The following DPP6 variants were observed in gnomAD, a reference collection of about 807,000 sequenced individuals.
DPP6 encodes dipeptidyl peptidase like 6.
In DPP6, 69 loss-of-function variants were observed where a neutral mutation model predicts 122.6. The ratio of observed to expected loss-of-function variants is 0.56; its 90% CI spans 0.46 to 0.69. The LOEUF (loss-of-function observed/expected upper bound fraction) is 0.69, where lower values mean the gene tolerates loss of function less well. Ranked by LOEUF, DPP6 falls within the 30% of genes least tolerant of loss-of-function variation. DPP6 has a pLI of 0.00. For missense variants in DPP6, 928 were observed against 1,116.9 expected (o/e 0.83, Z 2.41); for synonymous variants, 418 against 433.1 (o/e 0.97, Z 0.43).
intron 1 of DPP6, among the ~76,000 whole-genome samples, chr7:153,923,873 G>A (rs1289626279): frequency 6.6e-6 from 1 of 151,748 alleles, no homozygotes; most frequent in Non-Finnish European, 1.5e-5. Flanking sequence ...TTTAGTCATC[G>A]GTGGATCCCT....
chr7:154,085,007 A>AAAC (rs774198362), intron 1 of DPP6, among the ~76,000 whole-genome samples: 6,032 of 148,922 alleles, frequency 0.041, 175 homozygotes, highest in African/African-American at 0.079. Context: ...AAAAAAAAAA[A>AAAC]AAAACAGGTG....
intron 1 of DPP6, among the ~76,000 whole-genome samples, chr7:154,318,360 G>T (rs529208540): frequency 6.6e-6 from 1 of 152,226 alleles, no homozygotes; most frequent in South Asian, 2.1e-4. Flanking sequence ...ATCCTGTAAA[G>T]AGGTATAATC....
intron 1 of DPP6, among the ~76,000 whole-genome samples, chr7:154,202,858 C>G (rs1799243636): frequency 6.6e-6 from 1 of 152,070 alleles, no homozygotes; most frequent in Non-Finnish European, 1.5e-5. Context: ...AGAACCTGGA[C>G]TATATTAGGC....
intron 10 of DPP6, among the ~76,000 whole-genome samples, chr7:154,791,221 T>G (rs1797657925): frequency 6.6e-6 from 1 of 151,948 alleles, no homozygotes; most frequent in Admixed American, 6.6e-5. Context: ...GCCACTGCAC[T>G]CCAGCCTGGG....
chr7:154,542,617 C>CA, intron 4 of DPP6, among the ~76,000 whole-genome samples: 1 of 152,172 alleles, frequency 6.6e-6, no homozygotes, highest in African/African-American at 2.4e-5. Flanking sequence ...GAAAAGTTCT[C>CA]ATCTCAGAAA....
chr7:154,129,058 C>A (rs371875731), intron 1 of DPP6, among the ~76,000 whole-genome samples: 1 of 152,048 alleles, frequency 6.6e-6, no homozygotes, highest in Non-Finnish European at 1.5e-5. Flanking sequence ...CCCACCACCC[C>A]CCGACACACC....
At chr7:154,185,055 G>A (rs1487897445) in intron 1 of DPP6, among the ~76,000 whole-genome samples, 1 of 152,158 alleles carries the variant, frequency 6.6e-6, no homozygotes, top group Non-Finnish European at 1.5e-5. Flanking sequence ...TTTTCCTTCA[G>A]ACTCTCTAGT....
the DPP6 span, among the ~76,000 whole-genome samples, chr7:153,803,111 G>A: frequency 4.1e-5 from 6 of 148,144 alleles, no homozygotes; most frequent in African/African-American, 7.4e-5. Context: ...CAGCGTGCCC[G>A]CATCTCTCCC....
chr7:154,750,923 C>T (rs1843349276), intron 8 of DPP6, among the ~76,000 whole-genome samples: 1 of 152,102 alleles, frequency 6.6e-6, no homozygotes, highest in African/African-American at 2.4e-5. Flanking sequence ...GGGGATGGGG[C>T]TCTGGGTGGT....
chr7:154,238,891 C>T (rs1275635497), intron 1 of DPP6, among the ~76,000 whole-genome samples: 1 of 152,190 alleles, frequency 6.6e-6, no homozygotes, highest in Non-Finnish European at 1.5e-5. Flanking sequence ...AACAACAGAT[C>T]GGGCTTCAAA....
At chr7:154,028,377 C>T (rs1432557389) in intron 1 of DPP6, among the ~76,000 whole-genome samples, 6 of 151,602 alleles carry the variant, frequency 4.0e-5, no homozygotes, top group East Asian at 1.9e-4. Context: ...TGGCCTGCTC[C>T]GTGGGATCCC....
intron 3 of DPP6, among the ~76,000 whole-genome samples, chr7:154,496,830 G>T (rs976758283): frequency 3.3e-5 from 5 of 152,238 alleles, no homozygotes; most frequent in Non-Finnish European, 5.9e-5. Flanking sequence ...TGCTTGTTTA[G>T]ATGACTGGTG....
At chr7:154,145,661 C>T (rs1324126364) in intron 1 of DPP6, among the ~76,000 whole-genome samples, 2 of 128,138 alleles carry the variant, frequency 1.6e-5, no homozygotes, top group African/African-American at 5.7e-5. Flanking sequence ...GGCTCTGCAG[C>T]TGGGGCATCG....
intron 1 of DPP6, among the ~76,000 whole-genome samples, chr7:154,432,170 A>G (rs914794759): frequency 6.6e-5 from 10 of 152,238 alleles, no homozygotes; most frequent in Non-Finnish European, 7.3e-5. Context: ...CTGCCATAAT[A>G]TTAAGTAAAG....
intron 22 of DPP6, among the ~76,000 whole-genome samples, chr7:154,886,378 G>A (rs1806156049): frequency 6.6e-6 from 1 of 152,232 alleles, no homozygotes; most frequent in African/African-American, 2.4e-5. Flanking sequence ...GGATCAGATG[G>A]AGATGAGCCC....
At chr7:153,945,042 G>A (rs1801884552) in intron 1 of DPP6, among the ~76,000 whole-genome samples, 1 of 152,114 alleles carries the variant, frequency 6.6e-6, no homozygotes, top group Non-Finnish European at 1.5e-5. Context: ...ACAGGTGTTG[G>A]CTTAGGGTAA....
At chr7:153,968,034 T>G (rs1795845989) in intron 1 of DPP6, among the ~76,000 whole-genome samples, 1 of 150,578 alleles carries the variant, frequency 6.6e-6, no homozygotes, top group East Asian at 1.9e-4. Context: ...TGCATACACG[T>G]ATCTTTTGGT....
intron 1 of DPP6, among the ~76,000 whole-genome samples, chr7:154,126,710 A>C (rs1385536948): frequency 6.6e-6 from 1 of 151,716 alleles, no homozygotes; most frequent in African/African-American, 2.4e-5. Context: ...AATGGGGTTG[A>C]AATACATTTG....
intron 16 of DPP6, among the ~76,000 whole-genome samples, chr7:154,823,649 C>A (rs1452186247): frequency 6.6e-6 from 1 of 152,166 alleles, no homozygotes. Context: ...GGTGGACATG[C>A]CAAACTCTCG....
Sources: allele counts gnomAD v4.1 joint callset (sites outside exome capture counted in the v4.1 genomes callset), GRCh38; gene constraint gnomAD v4.1.1; transcripts MANE v1.5; gene names NCBI Gene and HGNC (gene_info 2026-07-23, HGNC 2026-07-21).